Variants in GCNA observed in about 807,000 individuals in gnomAD.
GCNA encodes the protein germ cell nuclear acidic protein.
Under a neutral mutation model 38.8 loss-of-function variants are expected in GCNA, and 3 were observed. The observed-to-expected ratio is 0.08, with a 90% confidence interval of 0.04 to 0.20. GCNA has a LOEUF of 0.20. Among genes scored for constraint, GCNA ranks in the 10% least tolerant of loss-of-function variants. GCNA has a pLI of 1.00. For synonymous variants in GCNA, 195 were observed against 240.2 expected, an observed-to-expected ratio of 0.81 and a Z score of 1.74; for missense variants, 446 against 578.6, an observed-to-expected ratio of 0.77 and a Z score of 2.35.
chrX:71,604,433 C>T lies in GCNA; in HGVS notation c.1156C>T (p.Pro386Ser). The stretch of plus-strand genomic sequence containing the variant: ...GAATCTCAGCAAACCACCAAGTGAT[C>T]CTGAGGCTAACCCTGAAGTTTCAGA... ...GENLSKPPSD[P>S]EANPEVSERK... The change falls in exon 8 of 13, where the codon CCT becomes TCT. Residue 386 changes from proline (P) to serine (S), a missense_variant. This residue lies in a region of GCNA where 160 missense variants were observed against 165.2 expected (regional missense o/e 0.97). Coordinates refer to ENST00000373696, the MANE Select transcript of GCNA (RefSeq NM_052957.5). The T allele has an allele frequency of 8.3e-7, 1 of 1,209,145 alleles. No homozygotes were observed. Among genetic ancestry groups the T allele is most frequent in the Non-Finnish European group, 1.1e-6 (1 of 894,121 alleles).
Position 71,580,860 on chromosome X carries a change from G to A in GCNA, c.39G>A (p.Glu13=). ...GCKKELPRLQ[E]PEEDEDCYIL... ...AAAAAGAGCTGCCCCGCTTGCAAGA[G>A]CCGGAGGAGGACGAGGATTGGTGAG... Residue 13 remains glutamate (E), a synonymous_variant, in exon 2 of 13, where the codon GAG becomes GAA. Transcript: ENST00000373696. 1 of 1,201,525 alleles carries A rather than the reference G, an allele frequency of 8.3e-7. No individual in the cohort carries two copies. Among genetic ancestry groups the A allele is most frequent in the Non-Finnish European group, 1.1e-6 (1 of 889,874 alleles).
At chrX:71,583,748 AGTGCAGTGGCGCAATCTT>A (rs2147708719) in intron 2 of GCNA, among the ~76,000 whole-genome samples, 1 of 88,656 alleles carries the variant, frequency 1.1e-5, no homozygotes, top group East Asian at 3.7e-4. Flanking sequence ...TCAAGGCTGG[AGTGCAGTGGCGCAATCTT>A]GGCTCACTGC....
rs1271717073 is a variant in GCNA, at chrX:71,603,689, G to A, written c.412G>A (p.Val138Ile). The change falls in exon 8 of 13, where the codon GTT (valine) becomes ATT (isoleucine). Residue 138 changes from valine to isoleucine, a missense_variant. Physicochemically the swap from Val to Ile is conservative, Grantham distance 29 (BLOSUM62 3). Coordinates refer to ENST00000373696, the MANE Select transcript of GCNA (RefSeq NM_052957.5). Reference protein sequence around the residue: ...NDDDNGNDLEVPDDNSDDSEA... With the variant: ...NDDDNGNDLEIPDDNSDDSEA... ...CGATGACAACGGTAATGATTTGGAA[G>A]TTCCCGACGACAACAGTGATGATTC... 4.1e-6 allele frequency: 5 copies of A among 1,210,581 alleles called. No homozygotes were observed. In the African/African-American group the frequency reaches 5.2e-5, roughly 13 times the overall value.
At chrX:71,581,194 G>A (rs774843090) in intron 2 of GCNA, among the ~76,000 whole-genome samples, 19 of 112,412 alleles carry the variant, frequency 1.7e-4, no homozygotes, top group African/African-American at 5.8e-4. Context: ...TTCCACGCCA[G>A]TATCGATAGT....
intron 10 of GCNA, among the ~76,000 whole-genome samples, chrX:71,610,157 G>A (rs915029105): frequency 8.0e-5 from 9 of 111,862 alleles, no homozygotes; most frequent in African/African-American, 2.3e-4. Context: ...TTACCCAGAC[G>A]TTAATGTGGC....
chrX:71,587,088 A>G lies in GCNA; in HGVS notation c.60-5034A>G, dbSNP rs1044353537. 3.6e-5 allele frequency among the ~76,000 whole-genome samples: 4 copies of G among 111,758 alleles called. No homozygotes were observed. The Admixed American group carries it at 3.8e-4, about 11-fold the overall frequency. ...CACAGAGTGCTGGAACTACCGGAAT[A>G]CAATCCTTGGGAAGGCTAGGGGAGA... On this transcript the variant is annotated intron_variant, in intron 2 of 12. Transcript: ENST00000373696.
chrX:71,584,206 T>G (rs2040567961), intron 2 of GCNA, among the ~76,000 whole-genome samples: 1 of 111,065 alleles, frequency 9.0e-6, no homozygotes, highest in Non-Finnish European at 1.9e-5. Context: ...AAAATCCAGT[T>G]TATGAAGCCA....
chrX:71,582,283 A>AG (rs2040552791), intron 2 of GCNA, among the ~76,000 whole-genome samples: 1 of 109,532 alleles, frequency 9.1e-6, no homozygotes, highest in Non-Finnish European at 1.9e-5. Context: ...AAAAAAAAAA[A>AG]AAAAATCAGC....
At chrX:71,588,768 A>C (rs2040602129) in intron 2 of GCNA, among the ~76,000 whole-genome samples, 1 of 111,956 alleles carries the variant, frequency 8.9e-6, no homozygotes, top group South Asian at 3.7e-4. Context: ...TGGAGGTTGC[A>C]GTGAACCAAG....
intron 11 of GCNA, 43 bp from the exon 12 acceptor site, chrX:71,612,307 AAGAGG>A: frequency 8.7e-6 from 7 of 808,273 alleles, no homozygotes; most frequent in Non-Finnish European, 1.2e-5. Flanking sequence ...AAAAAAAAAA[AAGAGG>A]ATTGGTTTTA....
intron 2 of GCNA, among the ~76,000 whole-genome samples, chrX:71,587,242 G>A (rs2040591674): frequency 9.1e-6 from 1 of 110,317 alleles, no homozygotes; most frequent in Non-Finnish European, 1.9e-5. Context: ...TTGGTGGGAG[G>A]ATGAGTGAGT....
chrX:71,590,250 G>A (rs1005449960), intron 2 of GCNA, among the ~76,000 whole-genome samples: 1 of 111,423 alleles, frequency 9.0e-6, no homozygotes, highest in African/African-American at 3.3e-5. Context: ...ATCCCACCTG[G>A]AATTTGATAT....
At chrX:71,584,060 C>T (rs1395016513) in intron 2 of GCNA, among the ~76,000 whole-genome samples, 1 of 109,140 alleles carries the variant, frequency 9.2e-6, no homozygotes, top group African/African-American at 3.3e-5. Flanking sequence ...GTTGGCCAGG[C>T]TGGTCTCAAA....
chrX:71,602,344 AC>A (rs1016722907), intron 7 of GCNA, among the ~76,000 whole-genome samples: 1 of 110,457 alleles, frequency 9.1e-6, no homozygotes, highest in Non-Finnish European at 1.9e-5. Context: ...ACATCACCAT[AC>A]CTGGCTAATA....
chrX:71,586,416 G>A (rs1394765888), intron 2 of GCNA, among the ~76,000 whole-genome samples: 1 of 111,053 alleles, frequency 9.0e-6, no homozygotes, highest in Non-Finnish European at 1.9e-5. Flanking sequence ...AAATATATTA[G>A]AGAAGTGGAG....
At chrX:71,610,639 A>G in intron 10 of GCNA, 42 bp from the exon 11 acceptor site, 1 of 1,194,240 alleles carries the variant, frequency 8.4e-7, no homozygotes, top group Non-Finnish European at 1.1e-6. Context: ...AAAAAAACCC[A>G]AAACAGCTTT....
rs1423304661 is a variant in GCNA at position 71,603,618 on chromosome X, C to T, written c.341C>T (p.Pro114Leu). 7.4e-6 allele frequency: 9 copies of T among 1,211,154 alleles called. No homozygotes were observed. The highest frequency in any genetic ancestry group is 1.0e-5 in the Non-Finnish European group (9 of 895,016). ...DESPECCHVK[P>L]AIQEPPIVIS... ...AGTCCGGAGTGTTGTCATGTGAAGCCTGCCATCCAGGAACCTCCAATAGTT... is the reference window on the plus strand; with the variant it reads ...AGTCCGGAGTGTTGTCATGTGAAGCTTGCCATCCAGGAACCTCCAATAGTT... Residue 114 changes from proline (P) to leucine (L), a missense_variant, in exon 8 of 13, where the codon CCT (proline) becomes CTT (leucine). By Grantham distance (98) the Pro-to-Leu change is moderately conservative. Transcript: ENST00000373696.
At chrX:71,590,159 T>A (rs1463226864) in intron 2 of GCNA, among the ~76,000 whole-genome samples, 2 of 112,107 alleles carry the variant, frequency 1.8e-5, no homozygotes, top group Non-Finnish European at 1.9e-5. Context: ...TTGGAAAAGA[T>A]ACCAAACAAA....
At chrX:71,584,646 C>T (rs2040571532) in intron 2 of GCNA, among the ~76,000 whole-genome samples, 1 of 111,011 alleles carries the variant, frequency 9.0e-6, no homozygotes, top group South Asian at 3.8e-4. Flanking sequence ...GGGCGGATCA[C>T]GAGGTCAGGA....
Sources: gnomAD v4.1 joint callset for allele counts (sites outside exome capture counted in the v4.1 genomes callset) on GRCh38, gnomAD v4.1.1 for gene constraint, gnomAD v4.1.1 regional missense constraint, MANE v1.5 for transcripts, NCBI Gene and HGNC (gene_info 2026-07-23, HGNC 2026-07-21) for gene names.